Variants in PDE1C observed in about 807,000 individuals in gnomAD.
PDE1C encodes dual specificity calcium/calmodulin-dependent 3',5'-cyclic nucleotide phosphodiesterase 1C.
PDE1C carries 62 observed loss-of-function variants against 93.1 expected under a neutral mutation model. The observed-to-expected ratio is 0.67, with a 90% CI of 0.54 to 0.82. PDE1C has a LOEUF of 0.82. Among genes scored for constraint, PDE1C ranks in the 40% least tolerant of loss-of-function variants. PDE1C has a pLI of 0.00. For missense variants in PDE1C, 742 were observed against 884.6 expected, an observed-to-expected ratio of 0.84 and a Z score of 2.04; for synonymous variants, 325 against 310.1, an observed-to-expected ratio of 1.05 and a Z score of -0.50.
chr7:32,060,765 G>A (rs1254781488), intron 1 of PDE1C, among the ~76,000 whole-genome samples: 2 of 151,930 alleles, frequency 1.3e-5, no homozygotes, highest in African/African-American at 2.4e-5. Flanking sequence ...TAGTCAGAAT[G>A]GCAGTTCTGA....
At chr7:32,093,881 C>T (rs1221017472) in intron 3 of PDE1C, among the ~76,000 whole-genome samples, 2 of 152,228 alleles carry the variant, frequency 1.3e-5, no homozygotes, top group African/African-American at 4.8e-5. Flanking sequence ...GCCCTCTCTA[C>T]ACTTCTCTCC....
At chr7:32,092,952 T>C (rs1797558349) in intron 3 of PDE1C, among the ~76,000 whole-genome samples, 1 of 152,198 alleles carries the variant, frequency 6.6e-6, no homozygotes, top group Non-Finnish European at 1.5e-5. Flanking sequence ...TACAGATGTC[T>C]AACTTCAAAC....
chr7:32,423,419 G>C (rs1377325835), intron 1 of PDE1C, among the ~76,000 whole-genome samples: 1 of 152,168 alleles, frequency 6.6e-6, no homozygotes, highest in Non-Finnish European at 1.5e-5. Flanking sequence ...GCAACTCTCA[G>C]GTTGCTTGTC....
At chr7:31,892,582 G>T (rs1353003277) in intron 2 of PDE1C, among the ~76,000 whole-genome samples, 1 of 152,102 alleles carries the variant, frequency 6.6e-6, no homozygotes, top group Non-Finnish European at 1.5e-5. Context: ...ATGGCAGGCT[G>T]GCCATGAAGG....
chr7:32,193,916 G>GTTTTTTTT (rs1554283858), intron 2 of PDE1C, among the ~76,000 whole-genome samples: 1 of 115,252 alleles, frequency 8.7e-6, no homozygotes. Context: ...GTTTTGTTTT[G>GTTTTTTTT]TTTTTTTTTT....
upstream of PDE1C, among the ~76,000 whole-genome samples, chr7:32,074,995 G>A (rs375954387): frequency 1.3e-5 from 2 of 152,172 alleles, no homozygotes; most frequent in South Asian, 2.1e-4. Context: ...TGAGAGGCAT[G>A]GCCACATGTG....
chr7:32,082,481 G>A (rs560184196), intron 3 of PDE1C, among the ~76,000 whole-genome samples: 9 of 152,346 alleles, frequency 5.9e-5, no homozygotes, highest in African/African-American at 2.2e-4. Context: ...AGACTTAAAT[G>A]TCCCTGTCTG....
At chr7:32,338,963 A>G (rs1783686608) in intron 1 of PDE1C, among the ~76,000 whole-genome samples, 1 of 151,616 alleles carries the variant, frequency 6.6e-6, no homozygotes, top group Admixed American at 6.6e-5. Flanking sequence ...AGATCGTGCC[A>G]CTGCACTCCA....
intron 1 of PDE1C, among the ~76,000 whole-genome samples, chr7:32,232,446 A>G (rs1266243608): frequency 6.6e-6 from 1 of 152,236 alleles, no homozygotes. Context: ...GTCCCAAGAT[A>G]GTGGAGTAAA....
chr7:31,751,458 A>G lies in PDE1C; in HGVS notation c.*1926T>C, dbSNP rs893308911. 3 of 152,218 alleles carry G rather than the reference A, an allele frequency of 2.0e-5. No homozygotes were observed. Among genetic ancestry groups the G allele is most frequent in the African/African-American group, 7.2e-5 (3 of 41,452 alleles). 9.4% of individuals were successfully genotyped at this position (152,218 alleles called of 1,614,324 possible). ...AATACCTAAGATGGAAGGTATTGACAGATAGGTAGGGAACATTATTTGAGG... is the reference window on the plus strand; with the variant it reads ...AATACCTAAGATGGAAGGTATTGACGGATAGGTAGGGAACATTATTTGAGG... On this transcript the variant is annotated 3_prime_UTR_variant, in exon 18 of 18. Coordinates refer to ENST00000396191, the MANE Select transcript of PDE1C (RefSeq NM_001191057.4).
At chr7:31,894,651 T>A (rs1015279940) in intron 2 of PDE1C, among the ~76,000 whole-genome samples, 34 of 152,232 alleles carry the variant, frequency 2.2e-4, no homozygotes, top group African/African-American at 7.2e-4. Flanking sequence ...GAATCAGAGG[T>A]GAAAAGCTAA....
chr7:32,259,062 G>C (rs764813191), intron 1 of PDE1C, among the ~76,000 whole-genome samples: 7 of 152,202 alleles, frequency 4.6e-5, no homozygotes, highest in Non-Finnish European at 8.8e-5. Context: ...GGTAGAACAT[G>C]AGTAAAGGTT....
intron 1 of PDE1C, among the ~76,000 whole-genome samples, chr7:32,252,960 G>C (rs10951326): frequency 0.17 from 25,123 of 152,116 alleles, 2,265 homozygotes; most frequent in East Asian, 0.3. Flanking sequence ...CAGCTCTTGA[G>C]ACCATACTTT....
intron 1 of PDE1C, among the ~76,000 whole-genome samples, chr7:32,415,724 C>T (rs974372508): frequency 1.4e-5 from 2 of 139,830 alleles, no homozygotes; most frequent in African/African-American, 3.3e-5. Context: ...GGGAACAAAG[C>T]GCTACGTCCT....
At chr7:32,040,574 G>A (rs956652760) in intron 2 of PDE1C, among the ~76,000 whole-genome samples, 3 of 152,160 alleles carry the variant, frequency 2.0e-5, no homozygotes, top group Admixed American at 6.5e-5. Context: ...CATATGCTTA[G>A]AATATAATTG....
chr7:31,787,054 T>C (rs1007464031), intron 16 of PDE1C: 2 of 152,216 alleles, frequency 1.3e-5, no homozygotes, highest in Admixed American at 6.5e-5. Flanking sequence ...ACTTCCAAAA[T>C]ATGGATAACA....
chr7:32,328,072 G>A (rs1783439870), intron 1 of PDE1C, among the ~76,000 whole-genome samples: 1 of 152,126 alleles, frequency 6.6e-6, no homozygotes, highest in South Asian at 2.1e-4. Context: ...TTCAGGAGAG[G>A]AATTTCTGGT....
chr7:31,943,872 A>G (rs1391320647), intron 2 of PDE1C, among the ~76,000 whole-genome samples: 1 of 152,200 alleles, frequency 6.6e-6, no homozygotes, highest in Non-Finnish European at 1.5e-5. Context: ...TCTTTAAAAT[A>G]TAATTTCTTA....
chr7:32,037,670 T>G (rs78450556), intron 2 of PDE1C, among the ~76,000 whole-genome samples: 3,497 of 152,286 alleles, frequency 0.023, 148 homozygotes, highest in African/African-American at 0.079. Context: ...AAATTCTCTA[T>G]GACTTTGTAC....
Sources: allele counts gnomAD v4.1 joint callset (sites outside exome capture counted in the v4.1 genomes callset), GRCh38; gene constraint gnomAD v4.1.1; transcripts MANE v1.5; gene names NCBI Gene and HGNC (gene_info 2026-07-23, HGNC 2026-07-21).